Variants in FAM13B observed in about 807,000 individuals in gnomAD.
FAM13B encodes protein FAM13B.
A neutral mutation model predicts 117.3 loss-of-function variants in FAM13B; 60 were observed. The ratio of observed to expected loss-of-function variants is 0.51; its 90% CI spans 0.42 to 0.63. The LOEUF is 0.63. Among genes scored for constraint, FAM13B ranks in the 30% least tolerant of loss-of-function variants. The pLI is 0.00. For synonymous variants in FAM13B, 332 were observed against 356.1 expected (o/e 0.93, Z 0.76); for missense variants, 972 against 1,091.9 (o/e 0.89, Z 1.55).
chr5:138,005,335 A>T (rs1321257009), intron 7 of FAM13B, among the ~76,000 whole-genome samples: 1 of 152,208 alleles, frequency 6.6e-6, no homozygotes, highest in Non-Finnish European at 1.5e-5. Context: ...ATGACAGTGT[A>T]AACTGGGTCA....
At chr5:137,996,557 T>C (rs1779912813) in intron 7 of FAM13B, among the ~76,000 whole-genome samples, 1 of 152,158 alleles carries the variant, frequency 6.6e-6, no homozygotes, top group African/African-American at 2.4e-5. Flanking sequence ...AATGAAGCCC[T>C]AACATCAGCA....
At chr5:138,007,534 A>G (rs1782853602) in intron 6 of FAM13B, among the ~76,000 whole-genome samples, 1 of 152,232 alleles carries the variant, frequency 6.6e-6, no homozygotes, top group Admixed American at 6.5e-5. Context: ...CAGGTGCCTT[A>G]AACAAGTCAT....
chr5:138,032,276 G>T (rs1790284030), intron 1 of FAM13B, among the ~76,000 whole-genome samples: 1 of 152,136 alleles, frequency 6.6e-6, no homozygotes, highest in Admixed American at 6.5e-5. Flanking sequence ...GCCCAATTTT[G>T]GCTATATTCT....
chr5:137,941,187 C>A (rs939317942), intron 23 of FAM13B, among the ~76,000 whole-genome samples: 5 of 152,102 alleles, frequency 3.3e-5, no homozygotes, highest in Non-Finnish European at 7.4e-5. Context: ...GTATTACAGA[C>A]GTGAGCCACT....
intron 18 of FAM13B, among the ~76,000 whole-genome samples, chr5:137,946,795 C>T (rs1052864350): frequency 2.5e-4 from 38 of 152,226 alleles, no homozygotes; most frequent in South Asian, 6.2e-4. Context: ...GGCATGCATG[C>T]GCATGTGCAT....
chr5:137,943,503 T>C (rs1177239883), intron 20 of FAM13B, among the ~76,000 whole-genome samples: 1 of 152,196 alleles, frequency 6.6e-6, no homozygotes, highest in African/African-American at 2.4e-5. Flanking sequence ...TCCCAGCACT[T>C]TGGGAGGCCA....
chr5:137,965,450 G>A (rs534427382), intron 10 of FAM13B, among the ~76,000 whole-genome samples: 73 of 152,224 alleles, frequency 4.8e-4, no homozygotes, highest in African/African-American at 1.2e-3. Flanking sequence ...AGGCATTTCC[G>A]GTAATTCCTC....
intron 2 of FAM13B, 72 bp from the exon 3 acceptor site, chr5:138,019,218 A>G (rs946899831): frequency 7.4e-6 from 10 of 1,346,016 alleles, no homozygotes; most frequent in Non-Finnish European, 1.0e-5. Flanking sequence ...TACATTAAAG[A>G]AAAATGCTTT....
intron 1 of FAM13B, among the ~76,000 whole-genome samples, chr5:138,047,367 G>A (rs928569042): frequency 3.4e-4 from 52 of 151,830 alleles, no homozygotes; most frequent in African/African-American, 1.0e-3. Context: ...TTAGTAGGGC[G>A]TGGTAGCACA....
At chr5:137,960,299 C>G in intron 11 of FAM13B, 85 bp from the exon 12 acceptor site, 1 of 726,540 alleles carries the variant, frequency 1.4e-6, no homozygotes, top group Admixed American at 3.2e-5. Flanking sequence ...TCCTCTACTC[C>G]ATAACACAGT....
Position 137,977,603 on chromosome 5 carries a change from C to T in FAM13B, c.1179+7654G>A, listed in dbSNP as rs145233834. On this transcript the variant is annotated intron_variant, in intron 10 of 23. Coordinates refer to ENST00000689681, the MANE Select transcript of FAM13B (RefSeq NM_001385994.1). ...AATAGAAAAGAACCTACATGACTAT[C>T]GGGAGCAGGTTCCCTGATATCTCAA... Among the ~76,000 whole-genome samples the T allele has an allele frequency of 1.3e-3, 192 of 152,268 alleles. 4 individuals are homozygous for T. The highest frequency in any genetic ancestry group is 0.01 in the Middle Eastern group (3 of 294).
intron 1 of FAM13B, among the ~76,000 whole-genome samples, chr5:138,029,292 C>G (rs1789287737): frequency 6.6e-6 from 1 of 152,158 alleles, no homozygotes; most frequent in African/African-American, 2.4e-5. Flanking sequence ...AGTAGATGCC[C>G]CTTCTAGGCA....
At chr5:137,950,288 C>G (rs1764591801) in intron 17 of FAM13B, among the ~76,000 whole-genome samples, 1 of 152,192 alleles carries the variant, frequency 6.6e-6, no homozygotes, top group Non-Finnish European at 1.5e-5. Context: ...TAGTATCATC[C>G]TGGTAGAATA....
intron 1 of FAM13B, among the ~76,000 whole-genome samples, chr5:138,043,425 C>CT (rs200055773): frequency 0.037 from 5,557 of 149,806 alleles, 126 homozygotes; most frequent in Middle Eastern, 0.055. Flanking sequence ...GGGCATTATT[C>CT]TTTTTTTTCT....
intron 8 of FAM13B, among the ~76,000 whole-genome samples, chr5:137,987,855 T>A (rs1230582175): frequency 6.6e-6 from 1 of 152,198 alleles, no homozygotes; most frequent in Non-Finnish European, 1.5e-5. Context: ...ATTACTGGGA[T>A]GGGAAAGATC....
At chr5:137,959,392 C>T (rs1767497867) in intron 13 of FAM13B, among the ~76,000 whole-genome samples, 1 of 152,168 alleles carries the variant, frequency 6.6e-6, no homozygotes. Context: ...ATTTTCAAAG[C>T]TGTTGATGGA....
At chr5:137,941,897 G>A in intron 23 of FAM13B, 47 bp downstream of exon 23, 1 of 1,431,234 alleles carries the variant, frequency 7.0e-7, no homozygotes, top group Non-Finnish European at 9.8e-7. Context: ...TGGTCAGTTT[G>A]TGAGTTAGAG....
At chr5:137,981,236 C>A (rs1289769363) in intron 10 of FAM13B, among the ~76,000 whole-genome samples, 2 of 151,844 alleles carry the variant, frequency 1.3e-5, no homozygotes, top group African/African-American at 2.4e-5. Flanking sequence ...CTGTGAGTAG[C>A]CCCATGAAGT....
At chr5:137,975,595 C>G (rs1773672853) in intron 10 of FAM13B, among the ~76,000 whole-genome samples, 1 of 152,142 alleles carries the variant, frequency 6.6e-6, no homozygotes, top group South Asian at 2.1e-4. Flanking sequence ...TTCCTGTCTC[C>G]TCACCCTCTG....
Sources: gnomAD v4.1 joint callset for allele counts (sites outside exome capture counted in the v4.1 genomes callset) on GRCh38, gnomAD v4.1.1 for gene constraint, MANE v1.5 for transcripts, NCBI Gene and HGNC (gene_info 2026-07-23, HGNC 2026-07-21) for gene names.